The following AHR variants were observed in gnomAD, a reference collection of about 807,000 sequenced individuals.
AHR encodes the protein aryl hydrocarbon receptor, also known as AH-receptor.
In AHR, 40 loss-of-function variants were observed where a neutral mutation model predicts 86.8. That is an observed-to-expected ratio of 0.46 (90% CI 0.36 to 0.60). The LOEUF (loss-of-function observed/expected upper bound fraction) is 0.60. Ranked by LOEUF, AHR falls within the 20% of genes least tolerant of loss-of-function variation. AHR has a pLI of 0.00. For synonymous variants in AHR, 398 were observed against 354.9 expected, an observed-to-expected ratio of 1.12 and a Z score of -1.37; for missense variants, 1,001 against 1,011.6, an observed-to-expected ratio of 0.99 and a Z score of 0.14.
chr7:17,334,137 T>A, intron 7 of AHR, 23 bp downstream of exon 7: 4 of 1,574,508 alleles, frequency 2.5e-6, no homozygotes, highest in Non-Finnish European at 3.5e-6. Flanking sequence ...TTTTCACTTT[T>A]ATTTTATTGG....
intron 2 of AHR, 34 bp downstream of exon 2, chr7:17,310,157 C>T (rs200101659): frequency 1.6e-5 from 25 of 1,559,780 alleles, no homozygotes; most frequent in East Asian, 1.1e-4. Context: ...TCTACAATAA[C>T]GTATAAAAAA....
At chr7:17,318,628 A>G (rs1034663679) in intron 2 of AHR, among the ~76,000 whole-genome samples, 2 of 152,108 alleles carry the variant, frequency 1.3e-5, no homozygotes, top group Admixed American at 6.6e-5. Context: ...TACAGCAGAT[A>G]CTTCCCAGCT....
chr7:17,334,635 T>C (rs1453137433), intron 7 of AHR, among the ~76,000 whole-genome samples: 1 of 152,032 alleles, frequency 6.6e-6, no homozygotes, highest in Non-Finnish European at 1.5e-5. Flanking sequence ...TCTATTAGAT[T>C]CATTTTTAGC....
chr7:17,299,784 C>T (rs1033815461), intron 1 of AHR, among the ~76,000 whole-genome samples: 3 of 152,242 alleles, frequency 2.0e-5, no homozygotes, highest in Non-Finnish European at 4.4e-5. Context: ...GAGCTAAACA[C>T]ATGCTGACTT....
Position 17,329,948 on chromosome 7 carries a change from T to G in AHR, c.451-4T>G. The G allele has an allele frequency of 6.3e-7, 1 of 1,597,356 alleles. No individual in the cohort carries two copies. Among genetic ancestry groups the G allele is most frequent in the Middle Eastern group, 1.7e-4 (1 of 5,976 alleles). The stretch of plus-strand genomic sequence containing the variant: ...GTTGTATTCCTTGTATCTTTTTTCT[T>G]TAGTCTGATGTCATACATCAGAGTG... On this transcript the variant is annotated splice_region_variant and splice_polypyrimidine_tract_variant and intron_variant, in intron 4 of 10. Transcript: ENST00000242057.
chr7:17,301,427 G>T (rs1285186104), intron 1 of AHR, among the ~76,000 whole-genome samples: 1 of 151,982 alleles, frequency 6.6e-6, no homozygotes, highest in African/African-American at 2.4e-5. Context: ...GGGGAAAATA[G>T]ATCTTGTTTT....
intron 2 of AHR, among the ~76,000 whole-genome samples, chr7:17,317,000 A>C (rs943237425): frequency 3.3e-5 from 5 of 152,050 alleles, no homozygotes; most frequent in Non-Finnish European, 7.4e-5. Context: ...TTTGTAGTAA[A>C]TTCTAAAAAT....
chr7:17,334,218 T>C (rs922655270), intron 7 of AHR, 104 bp downstream of exon 7: 54 of 991,398 alleles, frequency 5.4e-5, no homozygotes, highest in Non-Finnish European at 7.3e-5. Context: ...TGTTTATTAT[T>C]AGATTGGCTA....
Position 17,339,538 on chromosome 7 carries a change from C to A in AHR, c.1713C>A (p.Asp571Glu). Residue 571 changes from aspartate (D) to glutamate (E), a missense_variant, in exon 10 of 11, where the codon GAC (aspartate) becomes GAA (glutamate). Around this residue, in one of 2 missense-constraint regions of AHR, gnomAD observed 607 missense variants for 543.1 expected, o/e 1.12. Coordinates refer to ENST00000242057, the MANE Select transcript of AHR (RefSeq NM_001621.5). ...FFRNDFSGEV[D>E]FRDIDLTDEI... Reference sequence around the variant, plus strand: ...GAAATGATTTTTCTGGTGAGGTTGACTTCAGAGACATTGACTTAACGGATG... The same window carrying A: ...GAAATGATTTTTCTGGTGAGGTTGAATTCAGAGACATTGACTTAACGGATG... 6.2e-7 allele frequency: 1 copy of A among 1,614,172 alleles called. No homozygotes were observed. Among genetic ancestry groups the A allele is most frequent in the Non-Finnish European group, 8.5e-7 (1 of 1,180,024 alleles).
intron 1 of AHR, among the ~76,000 whole-genome samples, chr7:17,301,794 C>T (rs973756260): frequency 1.3e-5 from 2 of 151,968 alleles, no homozygotes; most frequent in East Asian, 3.9e-4. Flanking sequence ...TAAATATTTC[C>T]TTTCTTTTTG....
intron 9 of AHR, among the ~76,000 whole-genome samples, chr7:17,338,223 C>A (rs952142439): frequency 2.0e-5 from 3 of 150,530 alleles, no homozygotes; most frequent in Non-Finnish European, 4.4e-5. Context: ...AAATCTATTG[C>A]AAAAATACAA....
intron 6 of AHR, among the ~76,000 whole-genome samples, chr7:17,333,222 G>A (rs995641006): frequency 2.0e-5 from 3 of 151,912 alleles, no homozygotes; most frequent in Non-Finnish European, 2.9e-5. Context: ...ACATGTGAGT[G>A]TATGTCTGAG....
In AHR at chr7:17,343,390, A is replaced by G. The variant is rs937963170; in HGVS notation, c.*326A>G. ...CTAAGATTCTTTTAAATTAGAAAAT[A>G]TTCTCTATTTGAATTATTTCTGTCA... On this transcript the variant is annotated 3_prime_UTR_variant, in exon 11 of 11. Transcript: ENST00000242057. 8 of 243,760 alleles carry G rather than the reference A, an allele frequency of 3.3e-5. No homozygotes were observed. The highest frequency in any genetic ancestry group is 1.1e-4 in the African/African-American group (5 of 43,656). The allele number at this position is 243,760 out of a possible 1,614,324, so 15.1% of individuals were successfully genotyped here.
Position 17,330,092 on chromosome 7 carries a change from CA to C in AHR, c.574+23del. 6.2e-7 allele frequency: 1 copy of C among 1,602,446 alleles called. No individual in the cohort carries two copies. Among genetic ancestry groups the C allele is most frequent in the African/African-American group, 1.3e-5 (1 of 74,290 alleles). ...GAATTGAAGGTAAGAATTGATGGTA[CA>C]AAAAATAGTGTTGGTAGTTTTTAAA... On this transcript the variant is annotated intron_variant, in intron 5 of 10. Transcript: ENST00000242057.
Position 17,334,896 on chromosome 7 carries a change from T to C in AHR, c.918T>C (p.Ile306=). 6.3e-7 allele frequency: 1 copy of C among 1,599,930 alleles called. No individual in the cohort carries two copies. The highest frequency in any genetic ancestry group is 8.5e-7 in the Non-Finnish European group (1 of 1,173,484). ...TTTTTATTTTAAACAGAGGAAGAAT[T>C]GTTTTAGGATATACTGAAGCAGAGC... ...TPIGCDAKGR[I]VLGYTEAELC... Residue 306 remains isoleucine, a synonymous_variant, in exon 8 of 11, where the codon ATT becomes ATC. Transcript: ENST00000242057.
chr7:17,309,007 C>A (rs1171787294), intron 1 of AHR, among the ~76,000 whole-genome samples: 1 of 152,146 alleles, frequency 6.6e-6, no homozygotes, highest in Non-Finnish European at 1.5e-5. Flanking sequence ...GTATAAATTA[C>A]TTTAGTTTCC....
At chr7:17,341,828 C>T (rs982664044) in intron 10 of AHR, among the ~76,000 whole-genome samples, 2 of 152,080 alleles carry the variant, frequency 1.3e-5, no homozygotes, top group African/African-American at 4.8e-5. Context: ...AATTTAAGTT[C>T]TGTATGTGGC....
chr7:17,328,946 A>ATT (rs1782256492), intron 4 of AHR, among the ~76,000 whole-genome samples: 2 of 151,960 alleles, frequency 1.3e-5, no homozygotes, highest in Non-Finnish European at 2.9e-5. Context: ...TTCTAAAGAA[A>ATT]ATACATTAAT....
At chr7:17,313,477 T>C (rs1008627042) in intron 2 of AHR, among the ~76,000 whole-genome samples, 4 of 152,164 alleles carry the variant, frequency 2.6e-5, no homozygotes, top group Non-Finnish European at 5.9e-5. Context: ...ACTGTAACAA[T>C]AGATATTTTT....
Sources: allele counts gnomAD v4.1 joint callset (sites outside exome capture counted in the v4.1 genomes callset), GRCh38; gene constraint gnomAD v4.1.1; regional missense constraint gnomAD v4.1.1; transcripts MANE v1.5; gene names NCBI Gene and HGNC (gene_info 2026-07-23, HGNC 2026-07-21).